The following RSRC1 variants were observed in gnomAD, a reference collection of about 807,000 sequenced individuals.
RSRC1 encodes the protein arginine and serine rich coiled-coil 1, also known as serine/Arginine-related protein 53.
A neutral mutation model predicts 49.1 loss-of-function variants in RSRC1; 39 were observed. That is an observed-to-expected ratio of 0.79 (90% CI 0.61 to 1.04). The LOEUF is 1.04. Among genes scored for constraint, RSRC1 ranks in the 50% least tolerant of loss-of-function variants. RSRC1 has a pLI of 0.00. For missense variants in RSRC1, 388 were observed against 402.4 expected (o/e 0.96, Z 0.31); for synonymous variants, 143 against 130.8 (o/e 1.09, Z -0.63).
chr3:158,333,723 A>G (rs1729694597), intron 5 of RSRC1, among the ~76,000 whole-genome samples: 2 of 152,364 alleles, frequency 1.3e-5, no homozygotes, highest in Non-Finnish European at 2.9e-5. Flanking sequence ...ATAACTTGGA[A>G]TAAAAACACA....
intron 5 of RSRC1, among the ~76,000 whole-genome samples, chr3:158,340,161 T>C (rs1730146643): frequency 1.3e-5 from 2 of 152,318 alleles, no homozygotes; most frequent in South Asian, 4.1e-4. Flanking sequence ...TGGTCTTTCC[T>C]GTGCTATTCT....
intron 5 of RSRC1, among the ~76,000 whole-genome samples, chr3:158,306,000 T>C (rs1727817046): frequency 6.6e-6 from 1 of 152,080 alleles, no homozygotes; most frequent in African/African-American, 2.4e-5. Flanking sequence ...TAAGAAACTT[T>C]AGATAAAAAC....
At chr3:158,365,721 A>G (rs750899402) in intron 6 of RSRC1, among the ~76,000 whole-genome samples, 64 of 152,352 alleles carry the variant, frequency 4.2e-4, no homozygotes, top group Non-Finnish European at 8.1e-4. Flanking sequence ...AGGAATCACC[A>G]CACTATCATC....
At chr3:158,520,111 T>C (rs1399901706) in intron 7 of RSRC1, among the ~76,000 whole-genome samples, 1 of 152,134 alleles carries the variant, frequency 6.6e-6, no homozygotes, top group Non-Finnish European at 1.5e-5. Flanking sequence ...CAGTCAAAGG[T>C]AGTTTTTAAA....
chr3:158,277,727 A>C (rs577889116), intron 4 of RSRC1, among the ~76,000 whole-genome samples: 3 of 152,344 alleles, frequency 2.0e-5, no homozygotes, highest in South Asian at 4.1e-4. Context: ...TGAATTTTGC[A>C]TATAAGCACC....
At chr3:158,531,338 G>A (rs895461594) in intron 7 of RSRC1, among the ~76,000 whole-genome samples, 2 of 151,978 alleles carry the variant, frequency 1.3e-5, no homozygotes, top group African/African-American at 4.8e-5. Context: ...TTCCAGGTGA[G>A]AAGAGTTGAA....
intron 3 of RSRC1, among the ~76,000 whole-genome samples, chr3:158,199,373 A>G (rs886990601): frequency 2.0e-5 from 3 of 152,064 alleles, no homozygotes; most frequent in African/African-American, 7.2e-5. Flanking sequence ...CATCATCCAC[A>G]TTCTTTATTC....
intron 4 of RSRC1, among the ~76,000 whole-genome samples, chr3:158,245,411 G>A (rs146835356): frequency 3.0e-4 from 46 of 152,106 alleles, no homozygotes; most frequent in East Asian, 2.3e-3. Flanking sequence ...GTTATTTTGC[G>A]TTTGCTGAGA....
In RSRC1 at chr3:158,120,875, A is replaced by G. The variant is rs79968371; in HGVS notation, c.-2-1228A>G. Among the ~76,000 whole-genome samples the G allele has an allele frequency of 9.0e-3, 1,334 of 148,722 alleles. 17 individuals carry two copies. The highest frequency in any genetic ancestry group is 0.031 in the African/African-American group (1,278 of 40,654). On this transcript the variant is annotated intron_variant, in intron 1 of 9. Transcript: ENST00000611884. ...TCTTGTTTTTATATGACTTTGAAAGATAACTAATAACTATTTTAATAAAAA... is the reference window on the plus strand; with the variant it reads ...TCTTGTTTTTATATGACTTTGAAAGGTAACTAATAACTATTTTAATAAAAA...
At chr3:158,500,760 G>A (rs1235324253) in intron 7 of RSRC1, among the ~76,000 whole-genome samples, 1 of 151,890 alleles carries the variant, frequency 6.6e-6, no homozygotes, top group Non-Finnish European at 1.5e-5. Flanking sequence ...TCTCTTTTCT[G>A]GGTTAATCTT....
intron 5 of RSRC1, among the ~76,000 whole-genome samples, chr3:158,307,954 A>AT (rs1443210875): frequency 2.0e-5 from 3 of 151,944 alleles, no homozygotes. Flanking sequence ...CCAAATGCCT[A>AT]AATATTTCGG....
chr3:158,478,254 G>GT (rs1361485650), intron 7 of RSRC1, among the ~76,000 whole-genome samples: 2 of 150,390 alleles, frequency 1.3e-5, no homozygotes, highest in African/African-American at 4.9e-5. Context: ...CTTTTTGTTT[G>GT]TTTTTTAATT....
At chr3:158,255,386 G>A (rs1174123824) in intron 4 of RSRC1, among the ~76,000 whole-genome samples, 1 of 152,104 alleles carries the variant, frequency 6.6e-6, no homozygotes, top group African/African-American at 2.4e-5. Context: ...GATGTGTTGT[G>A]TTATTTCTGA....
At chr3:158,364,929 G>A (rs1216855938) in intron 6 of RSRC1, among the ~76,000 whole-genome samples, 2 of 151,216 alleles carry the variant, frequency 1.3e-5, no homozygotes, top group African/African-American at 4.8e-5. Flanking sequence ...ATAATAATGT[G>A]TACCTTATAG....
At chr3:158,206,255 T>C (rs1371827811) in intron 4 of RSRC1, among the ~76,000 whole-genome samples, 2 of 152,188 alleles carry the variant, frequency 1.3e-5, no homozygotes, top group Non-Finnish European at 2.9e-5. Context: ...TTGAGAGATA[T>C]TTCCCTCCAT....
intron 7 of RSRC1, among the ~76,000 whole-genome samples, chr3:158,487,946 CAAGAAAAA>C (rs1371045067): frequency 1.7e-4 from 2 of 11,478 alleles, no homozygotes; most frequent in Non-Finnish European, 2.5e-4. Context: ...GACTCCATCT[CAAGAAAAA>C]AAAAAAAAAA....
chr3:158,345,078 T>A (rs1454473968), intron 5 of RSRC1, among the ~76,000 whole-genome samples: 3 of 149,884 alleles, frequency 2.0e-5, no homozygotes, highest in Admixed American at 1.3e-4. Flanking sequence ...AAAAAAAAAA[T>A]GTAGCTGGGC....
chr3:158,291,009 CAT>C (rs1216246465), intron 4 of RSRC1, among the ~76,000 whole-genome samples: 3 of 152,066 alleles, frequency 2.0e-5, no homozygotes, highest in East Asian at 3.9e-4. Context: ...ACTTGGACAA[CAT>C]AGTGAGGCCC....
At chr3:158,279,040 C>G (rs967255464) in intron 4 of RSRC1, among the ~76,000 whole-genome samples, 3 of 152,230 alleles carry the variant, frequency 2.0e-5, no homozygotes, top group African/African-American at 7.2e-5. Flanking sequence ...CCACACTTCA[C>G]TGCGCCTTAA....
Sources: gnomAD v4.1 joint callset for allele counts (sites outside exome capture counted in the v4.1 genomes callset) on GRCh38, gnomAD v4.1.1 for gene constraint, MANE v1.5 for transcripts, NCBI Gene and HGNC (gene_info 2026-07-23, HGNC 2026-07-21) for gene names.